EXPH5: variants seen among roughly 807,000 people sequenced by gnomAD.
The protein encoded by EXPH5 is exophilin-5.
A neutral mutation model predicts 41.1 loss-of-function variants in EXPH5; 42 were observed. The ratio of observed to expected loss-of-function variants is 1.02; its 90% CI spans 0.80 to 1.32. The LOEUF (loss-of-function observed/expected upper bound fraction) is 1.32, where lower values mean the gene tolerates loss of function less well. Ranked by LOEUF, EXPH5 falls within the 40% of genes most tolerant of loss-of-function variation. The probability of loss-of-function intolerance (pLI) is 0.00; values close to 1 mark genes in which losing one functional copy is unlikely to be tolerated. For missense variants in EXPH5, 2,298 were observed against 2,314.5 expected (o/e 0.99, Z 0.15); for synonymous variants, 798 against 833.5 (o/e 0.96, Z 0.73).
At position 108,510,316 on chromosome 11, in the gene EXPH5, C is replaced by T. The variant is rs750387420; in HGVS notation, c.5191G>A (p.Ala1731Thr). 4.4e-5 allele frequency: 71 copies of T among 1,613,988 alleles called. No homozygotes were observed. The highest frequency in any genetic ancestry group is 5.7e-5 in the Non-Finnish European group (67 of 1,180,036). The change falls in exon 6 of 6, where the codon GCC becomes ACC. Residue 1731 changes from alanine (A) to threonine (T), a missense_variant. Transcript: ENST00000265843. Reference sequence around the variant, plus strand: ...CTGGTGAATGTGATGGGTGATGGGGCTCCTGATTCTCTTACTAAATTCTGA... The same window carrying T: ...CTGGTGAATGTGATGGGTGATGGGGTTCCTGATTCTCTTACTAAATTCTGA... ...AAQNLVRESG[A>T]PSPITFTSLR...
At chr11:108,581,116 C>T (rs1376811100) in intron 1 of EXPH5, among the ~76,000 whole-genome samples, 2 of 151,978 alleles carry the variant, frequency 1.3e-5, no homozygotes, top group Non-Finnish European at 2.9e-5. Flanking sequence ...AAAGCCCAGG[C>T]AACATGGCGA....
chr11:108,562,728 C>T (rs998029436), intron 1 of EXPH5, among the ~76,000 whole-genome samples: 4 of 152,160 alleles, frequency 2.6e-5, no homozygotes, highest in Admixed American at 6.5e-5. Context: ...TTTGGGAGGC[C>T]GAGGCAGGAG....
At chr11:108,549,142 G>A (rs1229736912) in intron 1 of EXPH5, among the ~76,000 whole-genome samples, 3 of 152,216 alleles carry the variant, frequency 2.0e-5, no homozygotes, top group African/African-American at 7.2e-5. Flanking sequence ...CAGCTTGCTT[G>A]CTTAATTAGT....
chr11:108,595,367 C>T (rs2094137335), upstream of EXPH5, among the ~76,000 whole-genome samples: 1 of 152,170 alleles, frequency 6.6e-6, no homozygotes, highest in Non-Finnish European at 1.5e-5. Context: ...ATTTAGGTTG[C>T]TGCATGAAGA....
chr11:108,597,357 C>A (rs961845692), upstream of EXPH5, among the ~76,000 whole-genome samples: 2 of 152,140 alleles, frequency 1.3e-5, no homozygotes, highest in Non-Finnish European at 2.9e-5. Context: ...GCCACCGCAC[C>A]CAGCTAATTT....
chr11:108,535,496 C>T (rs529076285), intron 3 of EXPH5, among the ~76,000 whole-genome samples: 15 of 152,190 alleles, frequency 9.9e-5, no homozygotes, highest in Non-Finnish European at 2.1e-4. Context: ...TGTCTTCCAA[C>T]TCAGACATAG....
chr11:108,584,485 A>C (rs2101141), intron 1 of EXPH5, among the ~76,000 whole-genome samples: 1 of 151,952 alleles, frequency 6.6e-6, no homozygotes, highest in Non-Finnish European at 1.5e-5. Context: ...CTCAAAAAAA[A>C]AAAAAGGGAG....
At position 108,512,040 on chromosome 11, in the gene EXPH5, G is replaced by A. The variant is rs759182808; in HGVS notation, c.3467C>T (p.Ala1156Val). The change falls in exon 6 of 6, where the codon GCT (alanine) becomes GTT (valine). Residue 1156 changes from alanine to valine, a missense_variant. Transcript: ENST00000265843. ...CACAGGGCTAATGATTCTCTCCCAA[G>A]CCCTTGGTGTTAGCTCAGAAGCATC... ...GMDASELTPR[A>V]WERIISPVES... 12 of 1,597,698 alleles carry A rather than the reference G, an allele frequency of 7.5e-6. No individual in the cohort carries two copies. Among genetic ancestry groups the A allele is most frequent in the Non-Finnish European group, 1.0e-5 (12 of 1,174,658 alleles).
chr11:108,548,600 A>G (rs187674387), intron 1 of EXPH5, among the ~76,000 whole-genome samples: 299 of 152,334 alleles, frequency 2.0e-3, no homozygotes, highest in African/African-American at 6.9e-3. Context: ...TTACCAAGGA[A>G]GCAACACAGA....
intron 1 of EXPH5, among the ~76,000 whole-genome samples, chr11:108,553,956 AC>A (rs1192704831): frequency 6.6e-6 from 1 of 152,210 alleles, no homozygotes; most frequent in Non-Finnish European, 1.5e-5. Context: ...CTTCACAAGA[AC>A]CCTTATGAAG....
chr11:108,604,801 A>G, the EXPH5 span, among the ~76,000 whole-genome samples: 1 of 152,198 alleles, frequency 6.6e-6, no homozygotes, highest in Admixed American at 6.5e-5. Flanking sequence ...ACCTGTGGTC[A>G]AGAAGGAAAT....
intron 1 of EXPH5, among the ~76,000 whole-genome samples, chr11:108,593,060 C>T (rs1019278775): frequency 6.6e-6 from 1 of 152,218 alleles, no homozygotes; most frequent in Non-Finnish European, 1.5e-5. Context: ...AGATCGCGCC[C>T]CCGCCGCATT....
the EXPH5 span, among the ~76,000 whole-genome samples, chr11:108,601,037 A>G: frequency 1.3e-5 from 2 of 152,220 alleles, no homozygotes; most frequent in African/African-American, 4.8e-5. Flanking sequence ...TTCACCATAC[A>G]GGGGCTTCCT....
intron 1 of EXPH5, among the ~76,000 whole-genome samples, chr11:108,547,036 C>T (rs147747926): frequency 0.022 from 3,371 of 152,128 alleles, 124 homozygotes; most frequent in African/African-American, 0.077. Context: ...CTCCTGACCT[C>T]GTGATCCACC....
Position 108,514,674 on chromosome 11 carries a change from C to A in EXPH5, c.833G>T (p.Gly278Val). The A allele has an allele frequency of 1.2e-6, 2 of 1,602,718 alleles. No homozygotes were observed. Among genetic ancestry groups the A allele is most frequent in the Non-Finnish European group, 1.7e-6 (2 of 1,175,906 alleles). Reference sequence around the variant, plus strand: ...GGTTTTAAAACCTTCCCTAGGAGTTCCTGGTCTTAGGATGTCATAGATAGA... The same window carrying A: ...GGTTTTAAAACCTTCCCTAGGAGTTACTGGTCTTAGGATGTCATAGATAGA... ...NMSIYDILRPGTPREGFKTFS... is the reference protein window; with the variant it reads ...NMSIYDILRPVTPREGFKTFS... The change falls in exon 6 of 6, where the codon GGA (glycine) becomes GTA (valine). Residue 278 changes from glycine to valine, a missense_variant. Coordinates refer to ENST00000265843, the MANE Select transcript of EXPH5 (RefSeq NM_015065.3).
the EXPH5 span, among the ~76,000 whole-genome samples, chr11:108,604,598 G>C: frequency 6.6e-6 from 1 of 152,138 alleles, no homozygotes; most frequent in Non-Finnish European, 1.5e-5. Flanking sequence ...TTTTCTATAA[G>C]TAAGTGTCCT....
chr11:108,543,145 G>A (rs555650513), intron 1 of EXPH5, among the ~76,000 whole-genome samples: 1 of 152,320 alleles, frequency 6.6e-6, no homozygotes, highest in East Asian at 1.9e-4. Flanking sequence ...AAGCCATGCA[G>A]CGCACAAATG....
At position 108,539,052 on chromosome 11, in the gene EXPH5, A is replaced by T; in HGVS notation, c.415T>A (p.Ser139Thr). ...FSFRKSGKET[S>T]KLPSLGQKGC... ...TTCTGTCCCAGTGATGGAAGCTTTG[A>T]AGTCTCCTTTCCAGATTTCCTGAAT... The change falls in exon 3 of 6, where the codon TCA (serine) becomes ACA (threonine). Residue 139 changes from serine to threonine, a missense_variant. Ser to Thr is a moderately conservative substitution (Grantham distance 58). Transcript: ENST00000265843. 1 of 1,604,410 alleles carries T rather than the reference A, an allele frequency of 6.2e-7. No individual in the cohort carries two copies. Among genetic ancestry groups the T allele is most frequent in the South Asian group, 1.1e-5 (1 of 88,868 alleles).
intron 1 of EXPH5, among the ~76,000 whole-genome samples, chr11:108,583,351 G>A (rs914392960): frequency 4.0e-5 from 6 of 150,502 alleles, no homozygotes; most frequent in Non-Finnish European, 7.4e-5. Context: ...CAGCCTGGGC[G>A]ATAGAGTGAG....
Sources: gnomAD v4.1 joint callset for allele counts (sites outside exome capture counted in the v4.1 genomes callset) on GRCh38, gnomAD v4.1.1 for gene constraint, MANE v1.5 for transcripts, NCBI Gene and HGNC (gene_info 2026-07-23, HGNC 2026-07-21) for gene names.